The following ZBTB20 variants were observed in gnomAD, a reference collection of about 807,000 sequenced individuals.
ZBTB20 encodes the protein zinc finger and BTB domain containing 20.
Under a neutral mutation model 56.9 loss-of-function variants are expected in ZBTB20, and 9 were observed. The ratio of observed to expected loss-of-function variants is 0.16; its 90% CI spans 0.10 to 0.28. ZBTB20 has a LOEUF of 0.28. ZBTB20 is among the 10% of genes least tolerant of loss of function. The probability of loss-of-function intolerance (pLI) is 1.00; values close to 1 mark genes in which losing one functional copy is unlikely to be tolerated. For synonymous variants in ZBTB20, 417 were observed against 420.7 expected (o/e 0.99, Z 0.11); for missense variants, 655 against 1,003.0 (o/e 0.65, Z 4.69).
intron 6 of ZBTB20, among the ~76,000 whole-genome samples, chr3:114,590,503 A>T (rs991879894): frequency 8.0e-6 from 1 of 125,410 alleles, no homozygotes; most frequent in Non-Finnish European, 1.7e-5. Context: ...AATTTATTTA[A>T]TAAAAAATAA....
At chr3:114,849,082 T>C (rs1048239718) in intron 4 of ZBTB20, among the ~76,000 whole-genome samples, 12 of 152,210 alleles carry the variant, frequency 7.9e-5, no homozygotes, top group African/African-American at 2.9e-4. Context: ...AAATATTAAA[T>C]TTCATGTAAA....
rs1281365606 is a variant in ZBTB20, at chr3:114,748,341, CTTTCTTTCTTT to C, written c.-343+52749_-343+52759del. 4.1e-3 allele frequency among the ~76,000 whole-genome samples: 202 copies of C among 49,630 alleles called. 1 individual carries two copies. Among genetic ancestry groups the C allele is most frequent in the African/African-American group, 9.7e-3 (184 of 18,986 alleles). 32.6% of individuals were successfully genotyped at this position (49,630 alleles called of 152,430 possible). A position where few individuals can be genotyped will look rare whatever the true frequency, so the allele number is the denominator to read the frequency against. On this transcript the variant is annotated intron_variant, in intron 5 of 11. Transcript: ENST00000675478. ...TTCTTTCTTTCTTTCTTTCTTCTTT[CTTTCTTTCTTT>C]TCTCTCTCTCTCTCTCTCTCTCTCT...
intron 1 of ZBTB20, among the ~76,000 whole-genome samples, chr3:115,077,252 A>G (rs1282885713): frequency 2.0e-5 from 3 of 152,228 alleles, no homozygotes; most frequent in African/African-American, 7.2e-5. Context: ...TAAGGTCTGA[A>G]TATTACCCCT....
chr3:114,953,152 TAAG>T (rs1226549938), intron 3 of ZBTB20, among the ~76,000 whole-genome samples: 1 of 151,978 alleles, frequency 6.6e-6, no homozygotes, highest in Non-Finnish European at 1.5e-5. Flanking sequence ...ATATTGATTC[TAAG>T]AAGAGTATAA....
intron 5 of ZBTB20, among the ~76,000 whole-genome samples, chr3:114,737,143 T>C (rs2066232410): frequency 6.6e-6 from 1 of 152,120 alleles, no homozygotes; most frequent in Non-Finnish European, 1.5e-5. Flanking sequence ...TTAGAACCCA[T>C]GTTGAGATAT....
chr3:114,821,269 T>C (rs917303439), intron 4 of ZBTB20, among the ~76,000 whole-genome samples: 15 of 152,150 alleles, frequency 9.9e-5, no homozygotes, highest in African/African-American at 3.4e-4. Context: ...AAGTCTGGTG[T>C]TGTTTGGCAT....
At chr3:115,105,332 A>C (rs899014738) in intron 1 of ZBTB20, among the ~76,000 whole-genome samples, 1 of 152,210 alleles carries the variant, frequency 6.6e-6, no homozygotes, top group African/African-American at 2.4e-5. Flanking sequence ...CAGATGAAGA[A>C]AAAAGAGAGA....
intron 2 of ZBTB20, among the ~76,000 whole-genome samples, chr3:115,032,793 A>G (rs111833170): frequency 0.021 from 3,203 of 151,468 alleles, 46 homozygotes; most frequent in South Asian, 0.049. Flanking sequence ...AAATCACAAG[A>G]GAAATTAGAA....
intron 7 of ZBTB20, among the ~76,000 whole-genome samples, chr3:114,402,128 G>T (rs1474103899): frequency 6.6e-6 from 1 of 152,174 alleles, no homozygotes; most frequent in Non-Finnish European, 1.5e-5. Context: ...TGATTGTTCA[G>T]TAACATGAAA....
rs1460579437 is a variant in ZBTB20 at position 114,320,016 on chromosome 3, T to C, written c.*18989A>G. ...CACATTTAACCTGTTTGGGCATTAA[T>C]TGCAATAATGACAAGATCTCTGCTC... On this transcript the variant is annotated 3_prime_UTR_variant, in exon 12 of 12. Coordinates refer to ENST00000675478, the MANE Select transcript of ZBTB20 (RefSeq NM_001348800.3). 2 of 152,164 alleles carry C rather than the reference T, an allele frequency of 1.3e-5. No individual in the cohort carries two copies. Among genetic ancestry groups the C allele is most frequent in the African/African-American group, 4.8e-5 (2 of 41,426 alleles). The allele number at this position is 152,164 out of a possible 1,614,324, so 9.4% of individuals were successfully genotyped here. A position where few individuals can be genotyped will look rare whatever the true frequency, so the allele number is the denominator to read the frequency against.
At chr3:114,481,584 G>C (rs776473658) in intron 7 of ZBTB20, among the ~76,000 whole-genome samples, 1 of 152,204 alleles carries the variant, frequency 6.6e-6, no homozygotes, top group Non-Finnish European at 1.5e-5. Context: ...CTATTTTGCA[G>C]GCAAGTATTG....
At chr3:115,077,847 A>G (rs958779254) in intron 1 of ZBTB20, among the ~76,000 whole-genome samples, 5 of 152,212 alleles carry the variant, frequency 3.3e-5, no homozygotes, top group African/African-American at 1.2e-4. Flanking sequence ...AATTAAAAAT[A>G]GAACTGTTAT....
chr3:115,127,314 G>C (rs1024746026), intron 1 of ZBTB20, among the ~76,000 whole-genome samples: 1 of 152,220 alleles, frequency 6.6e-6, no homozygotes, highest in African/African-American at 2.4e-5. Flanking sequence ...AACAGTTCAG[G>C]TGTGGTAGCT....
At chr3:115,024,098 G>C (rs76456544) in intron 2 of ZBTB20, among the ~76,000 whole-genome samples, 2,311 of 151,160 alleles carry the variant, frequency 0.015, 32 homozygotes, top group South Asian at 0.05. Context: ...AAGACTAAAT[G>C]AGAGGACTAC....
chr3:115,141,222 G>A (rs1461431606), intron 1 of ZBTB20, among the ~76,000 whole-genome samples: 1 of 152,088 alleles, frequency 6.6e-6, no homozygotes, highest in Non-Finnish European at 1.5e-5. Context: ...AAACAAACTA[G>A]TTTATATTTG....
At chr3:114,989,765 T>C (rs535768761) in intron 2 of ZBTB20, among the ~76,000 whole-genome samples, 3 of 152,346 alleles carry the variant, frequency 2.0e-5, no homozygotes, top group Non-Finnish European at 4.4e-5. Context: ...GTTTGTGTCC[T>C]CTTTTATTTC....
At chr3:114,343,639 C>A (rs568834055) in intron 11 of ZBTB20, among the ~76,000 whole-genome samples, 2 of 152,286 alleles carry the variant, frequency 1.3e-5, no homozygotes, top group East Asian at 3.9e-4. Flanking sequence ...CATCAAGACA[C>A]GACCAGAAAA....
intron 10 of ZBTB20, 89 bp from the exon 11 acceptor site, chr3:114,351,967 C>T: frequency 6.7e-7 from 1 of 1,486,588 alleles, no homozygotes; most frequent in South Asian, 1.3e-5. Context: ...GTGAGTAATG[C>T]TCATGGCTCC....
intron 3 of ZBTB20, among the ~76,000 whole-genome samples, chr3:114,953,413 TAAAGAC>T (rs768388275): frequency 9.9e-5 from 15 of 151,546 alleles, no homozygotes; most frequent in Non-Finnish European, 1.8e-4. Context: ...ATATACCAAT[TAAAGAC>T]AGAGATTATC....
Sources: gnomAD v4.1 joint callset for allele counts (sites outside exome capture counted in the v4.1 genomes callset) on GRCh38, gnomAD v4.1.1 for gene constraint, MANE v1.5 for transcripts, NCBI Gene and HGNC (gene_info 2026-07-23, HGNC 2026-07-21) for gene names.